The following YEATS4 variants were observed in gnomAD, a reference collection of about 807,000 sequenced individuals.
YEATS4 encodes the protein YEATS domain-containing protein 4.
Under a neutral mutation model 30.1 loss-of-function variants are expected in YEATS4, and 17 were observed. That is an observed-to-expected ratio of 0.56 (90% CI 0.39 to 0.85). The LOEUF is 0.85. Among genes scored for constraint, YEATS4 ranks in the 40% least tolerant of loss-of-function variants. The pLI is 0.00. For missense variants in YEATS4, 142 were observed against 268.3 expected (o/e 0.53, Z 3.29); for synonymous variants, 85 against 87.5 (o/e 0.97, Z 0.16).
chr12:69,364,710 C>T (rs1875361403), intron 2 of YEATS4, among the ~76,000 whole-genome samples: 1 of 152,132 alleles, frequency 6.6e-6, no homozygotes. Flanking sequence ...ACCTCCGCCT[C>T]CTGGGTTTAA....
At chr12:69,417,155 T>TTTC in the YEATS4 span, among the ~76,000 whole-genome samples, 2 of 58,182 alleles carry the variant, frequency 3.4e-5, no homozygotes, top group Non-Finnish European at 6.7e-5. Context: ...TTTTTAAAAA[T>TTTC]TTTTTTTTTT....
In YEATS4 at chr12:69,360,014, G is replaced by T. The variant is rs769987704; in HGVS notation, c.42G>T (p.Gly14=). The T allele has an allele frequency of 8.7e-6, 14 of 1,613,496 alleles. No homozygotes were observed. The highest frequency in any genetic ancestry group is 1.2e-5 in the Non-Finnish European group (14 of 1,179,806). ...CCGAATTTGGGCCTGACTCCGGCGG[G>T]AGAGTAAAGGTCAGTGCCCGGACCG... is the stretch of plus-strand genomic sequence containing the variant. ...RMAEFGPDSG[G]RVKGVTIVKP... is the part of the protein sequence containing the mutation. The change falls in exon 1 of 7, where the codon GGG becomes GGT. Residue 14 remains glycine (G), a synonymous_variant. Transcript: ENST00000247843.
intron 6 of YEATS4, among the ~76,000 whole-genome samples, chr12:69,386,050 C>T (rs1868248370): frequency 1.3e-5 from 2 of 152,158 alleles, no homozygotes; most frequent in African/African-American, 4.8e-5. Context: ...GATTTGTTTT[C>T]TCGAAATTGA....
chr12:69,412,942 G>C, the YEATS4 span, among the ~76,000 whole-genome samples: 14 of 152,194 alleles, frequency 9.2e-5, no homozygotes, highest in East Asian at 2.7e-3. Context: ...GCGGTGGAAG[G>C]GGGAGGGAAA....
chr12:69,389,171 C>A (rs1336986918), intron 6 of YEATS4, among the ~76,000 whole-genome samples: 1 of 151,980 alleles, frequency 6.6e-6, no homozygotes, highest in Non-Finnish European at 1.5e-5. Context: ...TCACCTGGGC[C>A]GGGCCTGGTG....
chr12:69,365,034 A>G (rs931932428), intron 2 of YEATS4, among the ~76,000 whole-genome samples: 1 of 152,216 alleles, frequency 6.6e-6, no homozygotes, highest in African/African-American at 2.4e-5. Context: ...GATTTAGAAT[A>G]TTATCTATAG....
the YEATS4 span, among the ~76,000 whole-genome samples, chr12:69,399,083 G>T: frequency 6.6e-6 from 1 of 151,484 alleles, no homozygotes; most frequent in African/African-American, 2.4e-5. Context: ...GGAGGCGGAG[G>T]TTGCAGTGAG....
intron 1 of YEATS4, among the ~76,000 whole-genome samples, chr12:69,362,013 G>GTTTTTTTTTTTTTTTTTTTTT (rs533225716): frequency 1.3e-4 from 9 of 69,078 alleles, no homozygotes; most frequent in African/African-American, 4.0e-4. Flanking sequence ...GTGTTTGGTT[G>GTTTTTTTTTTTTTTTTTTTTT]TTTTTTTTTT....
chr12:69,415,497 G>T, the YEATS4 span, among the ~76,000 whole-genome samples: 1 of 152,268 alleles, frequency 6.6e-6, no homozygotes, highest in Non-Finnish European at 1.5e-5. Flanking sequence ...GGAGGCAGAG[G>T]CTGCACTGAG....
the YEATS4 span, among the ~76,000 whole-genome samples, chr12:69,405,481 C>G: frequency 1.3e-5 from 2 of 152,098 alleles, no homozygotes; most frequent in Non-Finnish European, 2.9e-5. Flanking sequence ...AAACTTTCAC[C>G]TTTTCACTTA....
At chr12:69,388,410 A>T (rs371212267) in intron 6 of YEATS4, among the ~76,000 whole-genome samples, 2 of 152,244 alleles carry the variant, frequency 1.3e-5, no homozygotes, top group Admixed American at 1.3e-4. Context: ...GCTAATAAGG[A>T]AGCAAGGGTT....
At chr12:69,417,299 A>G in the YEATS4 span, among the ~76,000 whole-genome samples, 3 of 147,112 alleles carry the variant, frequency 2.0e-5, no homozygotes, top group Admixed American at 2.0e-4. Flanking sequence ...CTTGGACTAC[A>G]GGTGCATATG....
chr12:69,377,810 A>C (rs1875927195), intron 6 of YEATS4, among the ~76,000 whole-genome samples: 1 of 152,208 alleles, frequency 6.6e-6, no homozygotes, highest in Non-Finnish European at 1.5e-5. Flanking sequence ...AAGAATGTGT[A>C]TTCTGTAGCC....
chr12:69,362,010 G>GTTGTTTTTGTTT (rs35684976), intron 1 of YEATS4, among the ~76,000 whole-genome samples: 2 of 69,654 alleles, frequency 2.9e-5, no homozygotes, highest in African/African-American at 1.2e-4. Flanking sequence ...AGGGTGTTTG[G>GTTGTTTTTGTTT]TTGTTTTTTT....
the YEATS4 span, among the ~76,000 whole-genome samples, chr12:69,396,081 ATC>A: frequency 6.6e-6 from 1 of 152,044 alleles, no homozygotes; most frequent in African/African-American, 2.4e-5. Flanking sequence ...CTCCACCCTA[ATC>A]TGTTTACTCT....
Position 69,359,932 on chromosome 12 carries a change from G to T in YEATS4, c.-41G>T. The T allele has an allele frequency of 6.2e-7, 1 of 1,611,482 alleles. No individual in the cohort carries two copies. Among genetic ancestry groups the T allele is most frequent in the Non-Finnish European group, 8.5e-7 (1 of 1,178,626 alleles). ...GGGAGCGGCGACCCCGCCAGCCCCG[G>T]TCTCTTTCCCTGGCGGCGGCGGCTT... On this transcript the variant is annotated 5_prime_UTR_variant, in exon 1 of 7. Transcript: ENST00000247843.
At chr12:69,397,440 G>A in the YEATS4 span, among the ~76,000 whole-genome samples, 1 of 152,268 alleles carries the variant, frequency 6.6e-6, no homozygotes, top group Admixed American at 6.5e-5. Flanking sequence ...CCCAGTGGAG[G>A]TAGTTGAATC....
the YEATS4 span, among the ~76,000 whole-genome samples, chr12:69,415,727 G>A: frequency 6.6e-6 from 1 of 152,190 alleles, no homozygotes; most frequent in Non-Finnish European, 1.5e-5. Flanking sequence ...ACAGGTGAGG[G>A]AGAGGATTCA....
chr12:69,413,723 A>G, the YEATS4 span, among the ~76,000 whole-genome samples: 4 of 152,024 alleles, frequency 2.6e-5, no homozygotes, highest in African/African-American at 7.2e-5. Flanking sequence ...ATGATGGTGC[A>G]CGCCTATGGT....
Sources: gnomAD v4.1 joint callset for allele counts (sites outside exome capture counted in the v4.1 genomes callset) on GRCh38, gnomAD v4.1.1 for gene constraint, MANE v1.5 for transcripts, NCBI Gene and HGNC (gene_info 2026-07-23, HGNC 2026-07-21) for gene names.